Variants in ATAD2B observed in about 807,000 individuals in gnomAD.
The protein encoded by ATAD2B is ATPase family AAA domain containing 2B.
In ATAD2B, 40 loss-of-function variants were observed where a neutral mutation model predicts 167.6. The ratio of observed to expected loss-of-function variants is 0.24; its 90% CI spans 0.19 to 0.31. The LOEUF (loss-of-function observed/expected upper bound fraction) is 0.31. Among genes scored for constraint, ATAD2B ranks in the 10% least tolerant of loss-of-function variants. ATAD2B has a pLI of 1.00. For synonymous variants in ATAD2B, 579 were observed against 596.5 expected, an observed-to-expected ratio of 0.97 and a Z score of 0.43; for missense variants, 1,242 against 1,757.2, an observed-to-expected ratio of 0.71 and a Z score of 5.24.
chr2:23,754,513 CT>C, intron 26 of ATAD2B, 133 bp downstream of exon 26: 1 of 1,227,720 alleles, frequency 8.1e-7, no homozygotes, highest in Non-Finnish European at 1.1e-6. Flanking sequence ...ACACATAACT[CT>C]TTTTTACTAG....
chr2:23,909,751 A>C (rs1701999565), intron 1 of ATAD2B, among the ~76,000 whole-genome samples: 1 of 152,188 alleles, frequency 6.6e-6, no homozygotes, highest in African/African-American at 2.4e-5. Context: ...ATGTGTAGAA[A>C]ATAAAACAAA....
the ATAD2B span, among the ~76,000 whole-genome samples, chr2:23,711,456 G>A: frequency 2.2e-5 from 3 of 135,572 alleles, no homozygotes; most frequent in Non-Finnish European, 3.1e-5. Flanking sequence ...TGCAACCTCC[G>A]CCTCCTGGAT....
the ATAD2B span, among the ~76,000 whole-genome samples, chr2:23,687,722 G>C: frequency 6.6e-6 from 1 of 152,188 alleles, no homozygotes; most frequent in African/African-American, 2.4e-5. Flanking sequence ...CATTGTCCGG[G>C]CAGACAAGTG....
At chr2:23,901,777 T>A (rs1045921842) in intron 1 of ATAD2B, among the ~76,000 whole-genome samples, 1 of 152,152 alleles carries the variant, frequency 6.6e-6, no homozygotes, top group Non-Finnish European at 1.5e-5. Flanking sequence ...ATAAAGTATG[T>A]AACATTTCAC....
At chr2:23,723,923 G>A in the ATAD2B span, among the ~76,000 whole-genome samples, 1 of 152,188 alleles carries the variant, frequency 6.6e-6, no homozygotes, top group Non-Finnish European at 1.5e-5. Flanking sequence ...TATACACCAT[G>A]GAATACTATT....
At position 23,926,605 on chromosome 2, in the gene ATAD2B, CG is replaced by C; in HGVS notation, c.165del (p.Ala56ProfsTer25). On this transcript the variant is annotated frameshift_variant, in exon 1 of 28. Transcript: ENST00000238789. LOFTEE classifies it high-confidence loss of function. ...SSKTRAASCP[A>X]AKAGGSGGAG... The stretch of plus-strand genomic sequence containing the variant: ...GCGCCACCGCTTCCCCCGGCTTTGG[CG>C]GCGGGGCAGCTGGCGGCGCGGGTCT... 6.4e-7 allele frequency: 1 copy of C among 1,563,338 alleles called. No homozygotes were observed. Among genetic ancestry groups the C allele is most frequent in the South Asian group, 1.2e-5 (1 of 85,078 alleles).
chr2:23,842,908 A>G (rs769168311), intron 13 of ATAD2B, among the ~76,000 whole-genome samples: 3 of 152,198 alleles, frequency 2.0e-5, no homozygotes, highest in African/African-American at 7.2e-5. Flanking sequence ...AAATAAAAAT[A>G]ACAGAATCCA....
chr2:23,794,941 T>C (rs541813200), intron 19 of ATAD2B, among the ~76,000 whole-genome samples: 3 of 152,268 alleles, frequency 2.0e-5, no homozygotes, highest in South Asian at 2.1e-4. Context: ...GAGGGATATA[T>C]ACAAAGAGAC....
the ATAD2B span, among the ~76,000 whole-genome samples, chr2:23,709,737 T>C: frequency 6.6e-6 from 1 of 152,174 alleles, no homozygotes; most frequent in Non-Finnish European, 1.5e-5. Flanking sequence ...ACCATACTCT[T>C]GTCAAATAAA....
intron 13 of ATAD2B, among the ~76,000 whole-genome samples, chr2:23,834,419 C>T (rs1314905780): frequency 6.6e-6 from 1 of 151,992 alleles, no homozygotes; most frequent in African/African-American, 2.4e-5. Flanking sequence ...GCCTCGGCCT[C>T]GCAAAGTGCT....
At chr2:23,782,808 T>A in intron 22 of ATAD2B, 61 bp downstream of exon 22, 1 of 1,425,116 alleles carries the variant, frequency 7.0e-7, no homozygotes, top group Non-Finnish European at 9.7e-7. Context: ...GACTTAGTAT[T>A]TAAACGGTAA....
At chr2:23,731,272 A>G in the ATAD2B span, among the ~76,000 whole-genome samples, 2 of 152,230 alleles carry the variant, frequency 1.3e-5, no homozygotes, top group Non-Finnish European at 2.9e-5. Flanking sequence ...TACCTTTCCT[A>G]TGTGACTTGC....
At chr2:23,753,628 G>C (rs978531652) in intron 27 of ATAD2B, among the ~76,000 whole-genome samples, 1 of 152,186 alleles carries the variant, frequency 6.6e-6, no homozygotes, top group Non-Finnish European at 1.5e-5. Context: ...GAAAGGGAAT[G>C]TCTCATCTCT....
At chr2:23,878,486 G>A (rs1697375920) in intron 7 of ATAD2B, among the ~76,000 whole-genome samples, 1 of 149,598 alleles carries the variant, frequency 6.7e-6, no homozygotes, top group African/African-American at 2.5e-5. Flanking sequence ...AAGAAACCCT[G>A]TCTCTACTAA....
intron 2 of ATAD2B, among the ~76,000 whole-genome samples, chr2:23,895,306 A>G (rs1224734010): frequency 1.3e-5 from 2 of 152,132 alleles, no homozygotes; most frequent in African/African-American, 4.8e-5. Context: ...AGTCAGTTTC[A>G]GAGTAAATGT....
chr2:23,693,586 A>G, the ATAD2B span: 11 of 1,503,512 alleles, frequency 7.3e-6, no homozygotes, highest in Non-Finnish European at 9.9e-6. Context: ...CCCTGCGGCA[A>G]TGGGGTCTGC....
chr2:23,752,195 G>T, intron 27 of ATAD2B, 108 bp from the exon 28 acceptor site: 2 of 780,102 alleles, frequency 2.6e-6, no homozygotes, highest in Non-Finnish European at 4.3e-6. Context: ...TGAGATACAG[G>T]TTAAACTTTG....
At chr2:23,718,333 A>T in the ATAD2B span, among the ~76,000 whole-genome samples, 20 of 152,326 alleles carry the variant, frequency 1.3e-4, no homozygotes, top group Admixed American at 9.1e-4. Flanking sequence ...GCCTCCTCAC[A>T]GCAACAGTGG....
At chr2:23,842,590 A>G (rs1691096365) in intron 13 of ATAD2B, among the ~76,000 whole-genome samples, 1 of 152,106 alleles carries the variant, frequency 6.6e-6, no homozygotes, top group Non-Finnish European at 1.5e-5. Context: ...GGGAGAGAGA[A>G]TATGCAACAG....
Sources: allele counts gnomAD v4.1 joint callset (sites outside exome capture counted in the v4.1 genomes callset), GRCh38; gene constraint gnomAD v4.1.1; transcripts MANE v1.5; gene names NCBI Gene and HGNC (gene_info 2026-07-23, HGNC 2026-07-21).